CCDC92B: variants seen among roughly 807,000 people sequenced by gnomAD.
The protein encoded by CCDC92B is coiled-coil domain-containing 92B.
CCDC92B carries 2 observed loss-of-function variants against 5.6 expected under a neutral mutation model. The ratio of observed to expected loss-of-function variants is 0.36; its 90% CI spans 0.15 to 1.12. CCDC92B has a LOEUF of 1.12. Among genes scored for constraint, CCDC92B ranks in the 50% most tolerant of loss-of-function variants. The probability of loss-of-function intolerance (pLI) is 0.40; values close to 1 mark genes in which losing one functional copy is unlikely to be tolerated. For synonymous variants in CCDC92B, 115 were observed against 122.3 expected, an observed-to-expected ratio of 0.94 and a Z score of 0.39; for missense variants, 271 against 262.2, an observed-to-expected ratio of 1.03 and a Z score of -0.23.
In CCDC92B at chr17:2,724,311, G is replaced by A; in HGVS notation, c.*100C>T. On this transcript the variant is annotated 3_prime_UTR_variant, in exon 4 of 4. Transcript: ENST00000614400. The surrounding 1 kb of genome is among the most constrained non-coding windows in gnomAD (Gnocchi z 5.0). ...CGCCTCGCCCCGCTTCCTGGAGGAG[G>A]GGCGGCTGCCCTCCGACCCGGGACC... 5 of 985,282 alleles carry A rather than the reference G, an allele frequency of 5.1e-6. No individual in the cohort carries two copies. Among genetic ancestry groups the A allele is most frequent in the Non-Finnish European group, 6.0e-6 (5 of 829,888 alleles). The allele number at this position is 985,282 out of a possible 1,614,324, so 61.0% of individuals were successfully genotyped here.
In CCDC92B at chr17:2,735,010, C is replaced by A. The variant is rs1216729249; in HGVS notation, c.130+6G>T. ...CCACCCGTCCAGCCGCCTCTCCTGG[C>A]CTCACCTGAGCAGCGTTTCTGCAGC... On this transcript the variant is annotated splice_donor_region_variant and intron_variant, in intron 2 of 3. Coordinates refer to ENST00000614400, the MANE Select transcript of CCDC92B (RefSeq NM_001355573.2). 12 of 985,572 alleles carry A rather than the reference C, an allele frequency of 1.2e-5. No individual in the cohort carries two copies. The highest frequency in any genetic ancestry group is 1.4e-5 in the Non-Finnish European group (12 of 830,014). The allele number at this position is 985,572 out of a possible 1,614,324, so 61.1% of individuals were successfully genotyped here. A position where few individuals can be genotyped will look rare whatever the true frequency, so the allele number is the denominator to read the frequency against.
At chr17:2,739,723 T>C (rs1324957248) in intron 1 of CCDC92B, among the ~76,000 whole-genome samples, 3 of 152,050 alleles carry the variant, frequency 2.0e-5, no homozygotes, top group East Asian at 1.9e-4. Context: ...GATAGATAGA[T>C]AGAATAAAGA....
At chr17:2,735,344 T>C (rs1460828689) in intron 1 of CCDC92B, among the ~76,000 whole-genome samples, 176 bp from the exon 2 acceptor site, 2 of 152,122 alleles carry the variant, frequency 1.3e-5, no homozygotes, top group East Asian at 3.8e-4. Flanking sequence ...AGCAGGGGAG[T>C]TGGCAGGAAA....
chr17:2,732,792 TCA>T (rs2070809886), intron 2 of CCDC92B, among the ~76,000 whole-genome samples: 1 of 150,690 alleles, frequency 6.6e-6, no homozygotes, highest in Non-Finnish European at 1.5e-5. Flanking sequence ...GGTGGGCGGA[TCA>T]CGAGGTCAGG....
chr17:2,723,912 A>T lies in CCDC92B; in HGVS notation c.*499T>A, dbSNP rs1356425831. ...GGTGGGGGTAGAAGGACCAGCCCCT[A>T]GCCTGGGCCTCTCCTGGGGAGGAAG... is the stretch of plus-strand genomic sequence containing the variant. On this transcript the variant is annotated 3_prime_UTR_variant, in exon 4 of 4. Coordinates refer to ENST00000614400, the MANE Select transcript of CCDC92B (RefSeq NM_001355573.2). 1 of 978,764 alleles carries T rather than the reference A, an allele frequency of 1.0e-6. No homozygotes were observed. Among genetic ancestry groups the T allele is most frequent in the Admixed American group, 6.5e-5 (1 of 15,374 alleles). The allele number at this position is 978,764 out of a possible 1,614,324, so 60.6% of individuals were successfully genotyped here.
intron 1 of CCDC92B, among the ~76,000 whole-genome samples, chr17:2,739,026 G>A (rs191252730): frequency 1.3e-5 from 2 of 151,684 alleles, no homozygotes; most frequent in African/African-American, 4.9e-5. Flanking sequence ...AGCTGAGATC[G>A]AGCCACTGCA....
chr17:2,735,373 A>G (rs2070846565), intron 1 of CCDC92B, among the ~76,000 whole-genome samples: 1 of 152,204 alleles, frequency 6.6e-6, no homozygotes, highest in Admixed American at 6.5e-5. Flanking sequence ...ACTCTCATTT[A>G]ACACATGGAG....
intron 1 of CCDC92B, among the ~76,000 whole-genome samples, chr17:2,737,327 C>A (rs2070868145): frequency 6.6e-6 from 1 of 152,042 alleles, no homozygotes; most frequent in Non-Finnish European, 1.5e-5. Context: ...ATGTAAGACT[C>A]AGAAAAATCC....
At chr17:2,748,135 C>T (rs1567620754) in intron 1 of CCDC92B, 2 of 532,076 alleles carry the variant, frequency 3.8e-6, no homozygotes, top group Non-Finnish European at 3.8e-6. Context: ...TAGCAGTCCA[C>T]ATCTGCAGGC....
At chr17:2,734,739 C>T (rs764241322) in intron 2 of CCDC92B, among the ~76,000 whole-genome samples, 4 of 152,074 alleles carry the variant, frequency 2.6e-5, no homozygotes, top group South Asian at 2.1e-4. Flanking sequence ...CCGCCCGCCT[C>T]GGCCTCCCAA....
chr17:2,735,116 G>A lies in CCDC92B; in HGVS notation c.30C>T (p.Ile10=), dbSNP rs1422122336. 1 of 985,504 alleles carries A rather than the reference G, an allele frequency of 1.0e-6. No homozygotes were observed. Among genetic ancestry groups the A allele is most frequent in the Non-Finnish European group, 1.2e-6 (1 of 830,066 alleles). 61.0% of individuals were successfully genotyped at this position (985,504 alleles called of 1,614,324 possible). A position where few individuals can be genotyped will look rare whatever the true frequency, so the allele number is the denominator to read the frequency against. Residue 10 remains isoleucine, a synonymous_variant, in exon 2 of 4, where the codon ATC becomes ATT. Transcript: ENST00000614400. The part of the protein sequence containing the change: MDTVSLEHQ[I]QSVQRHISFL... ...AGCTGATGTGGCGTTGCACGCTCTG[G>A]ATCTGATGCTCCAGGGACACGGTAT...
chr17:2,742,577 G>A (rs17834974), intron 1 of CCDC92B, among the ~76,000 whole-genome samples: 47,623 of 151,952 alleles, frequency 0.31, 8,435 homozygotes, highest in Non-Finnish European at 0.39. Flanking sequence ...AGGCATATTT[G>A]CTAGATCTTT....
chr17:2,724,866 G>A lies in CCDC92B; in HGVS notation c.313C>T (p.Leu105=), dbSNP rs2070707228. 2.0e-6 allele frequency: 2 copies of A among 985,070 alleles called. No homozygotes were observed. Among genetic ancestry groups the A allele is most frequent in the Non-Finnish European group, 2.4e-6 (2 of 829,816 alleles). The allele number at this position is 985,070 out of a possible 1,614,324, so 61.0% of individuals were successfully genotyped here. ...EALVSALRCS[L]RTEERRFLEE... is the part of the protein sequence containing the mutation. ...AGGAAGCGGCGCTCCTCGGTGCGCA[G>A]GCTGCAGCGCAGCGCGGACACCAGC... is the stretch of plus-strand genomic sequence containing the variant. The change falls in exon 4 of 4, where the codon CTG becomes TTG. Residue 105 remains leucine, a synonymous_variant. Transcript: ENST00000614400. This position sits in a 1 kb window ranked among gnomAD's most constrained non-coding sequence, Gnocchi z 5.0.
chr17:2,735,325 T>C (rs1012246136), intron 1 of CCDC92B, among the ~76,000 whole-genome samples, 157 bp from the exon 2 acceptor site: 2 of 152,236 alleles, frequency 1.3e-5, no homozygotes, highest in Non-Finnish European at 2.9e-5. Flanking sequence ...CATTCAGGCT[T>C]CATGAAGAAG....
chr17:2,728,447 A>G (rs1192704188), intron 3 of CCDC92B, among the ~76,000 whole-genome samples: 1 of 152,138 alleles, frequency 6.6e-6, no homozygotes, highest in Non-Finnish European at 1.5e-5. Flanking sequence ...TCTACTAAAA[A>G]TACAAAAAAT....
intron 2 of CCDC92B, among the ~76,000 whole-genome samples, chr17:2,733,117 C>T (rs887229859): frequency 2.3e-4 from 35 of 151,218 alleles, no homozygotes; most frequent in African/African-American, 7.5e-4. Flanking sequence ...AGAAGCATGG[C>T]GTGGGTGAGG....
At chr17:2,739,190 A>AAC (rs1265979228) in intron 1 of CCDC92B, among the ~76,000 whole-genome samples, 1 of 150,184 alleles carries the variant, frequency 6.7e-6, no homozygotes, top group East Asian at 2.0e-4. Flanking sequence ...ACATGGTAGA[A>AAC]CCCCATCTCT....
intron 2 of CCDC92B, among the ~76,000 whole-genome samples, chr17:2,731,988 T>G (rs765566003): frequency 4.2e-4 from 64 of 152,332 alleles, no homozygotes; most frequent in Non-Finnish European, 5.6e-4. Flanking sequence ...CTTGGGCCAG[T>G]AACAGCACTT....
At chr17:2,731,541 C>T (rs2070795074) in intron 2 of CCDC92B, among the ~76,000 whole-genome samples, 1 of 152,218 alleles carries the variant, frequency 6.6e-6, no homozygotes, top group Non-Finnish European at 1.5e-5. Flanking sequence ...CACCCAGCAG[C>T]GCCTTCAGGG....
Sources: gnomAD v4.1 joint callset for allele counts (sites outside exome capture counted in the v4.1 genomes callset) on GRCh38, gnomAD v4.1.1 for gene constraint, Gnocchi (gnomAD v3.1) non-coding constraint, MANE v1.5 for transcripts, NCBI Gene and HGNC (gene_info 2026-07-23, HGNC 2026-07-21) for gene names.